The following PKP4 variants were observed in gnomAD, a reference collection of about 807,000 sequenced individuals.
The protein encoded by PKP4 is plakophilin 4.
In PKP4, 90 loss-of-function variants were observed where a neutral mutation model predicts 145.1. The ratio of observed to expected loss-of-function variants is 0.62; its 90% CI spans 0.52 to 0.74. PKP4 has a LOEUF of 0.74. PKP4 is among the 30% of genes least tolerant of loss of function. The probability of loss-of-function intolerance (pLI) is 0.00; values close to 1 mark genes in which losing one functional copy is unlikely to be tolerated. For missense variants in PKP4, 1,340 were observed against 1,482.7 expected, an observed-to-expected ratio of 0.90 and a Z score of 1.58; for synonymous variants, 563 against 577.2, an observed-to-expected ratio of 0.98 and a Z score of 0.35.
At position 158,680,842 on chromosome 2, in the gene PKP4, A is replaced by G. The variant is rs2058389347; in HGVS notation, c.*165A>G. The G allele has an allele frequency of 1.6e-6, 1 of 635,246 alleles. No individual in the cohort carries two copies. 39.4% of individuals were successfully genotyped at this position (635,246 alleles called of 1,614,324 possible). A position where few individuals can be genotyped will look rare whatever the true frequency, so the allele number is the denominator to read the frequency against. On this transcript the variant is annotated 3_prime_UTR_variant, in exon 22 of 22. Coordinates refer to ENST00000389759, the MANE Select transcript of PKP4 (RefSeq NM_003628.6). ...TGAGGAATTATCAGGGAAGTGAGGAAATGTTTGGGAGAGGACTTTCTAAGC... is the reference window on the plus strand; with the variant it reads ...TGAGGAATTATCAGGGAAGTGAGGAGATGTTTGGGAGAGGACTTTCTAAGC...
intron 1 of PKP4, among the ~76,000 whole-genome samples, chr2:158,504,942 G>A (rs1299539932): frequency 6.6e-6 from 1 of 152,160 alleles, no homozygotes; most frequent in Non-Finnish European, 1.5e-5. Context: ...AAGAGTTACG[G>A]TAGATTGCCA....
chr2:158,646,937 A>T (rs1352740638), intron 11 of PKP4, among the ~76,000 whole-genome samples: 1 of 152,212 alleles, frequency 6.6e-6, no homozygotes, highest in Non-Finnish European at 1.5e-5. Flanking sequence ...CAAAAAATAC[A>T]GACCCTCAGG....
chr2:158,497,726 T>C (rs780355276), intron 1 of PKP4, among the ~76,000 whole-genome samples: 1 of 152,236 alleles, frequency 6.6e-6, no homozygotes, highest in South Asian at 2.1e-4. Context: ...TTAAATGATA[T>C]AATGTTTTAA....
chr2:158,475,021 C>A (rs763977851), intron 1 of PKP4, among the ~76,000 whole-genome samples: 4 of 152,142 alleles, frequency 2.6e-5, no homozygotes, highest in Non-Finnish European at 4.4e-5. Flanking sequence ...GATGCCTTTC[C>A]TTCCTTAGAT....
intron 1 of PKP4, among the ~76,000 whole-genome samples, chr2:158,504,100 T>C (rs937701167): frequency 6.6e-6 from 1 of 152,084 alleles, no homozygotes; most frequent in Non-Finnish European, 1.5e-5. Flanking sequence ...TCTCATAATA[T>C]TGCATTTTTC....
At chr2:158,553,097 A>G (rs578053392) in intron 2 of PKP4, among the ~76,000 whole-genome samples, 1 of 152,344 alleles carries the variant, frequency 6.6e-6, no homozygotes, top group Admixed American at 6.5e-5. Flanking sequence ...ATTTCCAAGC[A>G]GAGCGTAGAA....
At chr2:158,480,886 C>T (rs1023816322) in intron 1 of PKP4, among the ~76,000 whole-genome samples, 1 of 152,156 alleles carries the variant, frequency 6.6e-6, no homozygotes, top group Non-Finnish European at 1.5e-5. Context: ...TCTCTCCCCT[C>T]AGCACCTGGG....
chr2:158,661,568 A>C (rs536825097), intron 13 of PKP4, 118 bp downstream of exon 13: 9 of 688,012 alleles, frequency 1.3e-5, no homozygotes, highest in South Asian at 1.3e-4. Context: ...TCAGGAGGCC[A>C]CTCTCCAGAT....
At chr2:158,467,398 G>A (rs543205241) in intron 1 of PKP4, among the ~76,000 whole-genome samples, 2 of 151,992 alleles carry the variant, frequency 1.3e-5, no homozygotes, top group African/African-American at 4.8e-5. Context: ...CTATAGTTTT[G>A]TCATTTTAAG....
Position 158,634,184 on chromosome 2 carries a change from A to G in PKP4, c.1457A>G (p.Gln486Arg), listed in dbSNP as rs773517086. ...ATYAEPYRPI[Q>R]YRVQECNYNR... ...TACGCGGAGCCCTACAGGCCTATAC[A>G]ATACCGAGTGCAAGAGTGCAATTAT... Residue 486 changes from glutamine (Q) to arginine (R), a missense_variant, in exon 9 of 22, where the codon CAA (glutamine) becomes CGA (arginine). Gln to Arg is a conservative substitution (Grantham distance 43). Coordinates refer to ENST00000389759, the MANE Select transcript of PKP4 (RefSeq NM_003628.6). 1.9e-6 allele frequency: 3 copies of G among 1,614,110 alleles called. No individual in the cohort carries two copies. The highest frequency in any genetic ancestry group is 2.2e-5 in the East Asian group (1 of 44,882).
chr2:158,640,731 G>C lies in PKP4; in HGVS notation c.1667G>C (p.Cys556Ser), dbSNP rs777388123. The change falls in exon 10 of 22, where the codon TGC becomes TCC. Residue 556 changes from cysteine (C) to serine (S), a missense_variant. By Grantham distance (112) the Cys-to-Ser change is moderately radical (BLOSUM62 -1). Transcript: ENST00000389759. ...ANAAAYLQHL[C>S]FGDNKVKMEV... Reference sequence around the variant, plus strand: ...GCAGCGGCCTACCTGCAGCACCTGTGCTTTGGTGACAACAAAGTGAAGATG... The same window carrying C: ...GCAGCGGCCTACCTGCAGCACCTGTCCTTTGGTGACAACAAAGTGAAGATG... The C allele has an allele frequency of 6.2e-7, 1 of 1,614,090 alleles. No homozygotes were observed. The highest frequency in any genetic ancestry group is 1.1e-5 in the South Asian group (1 of 91,080).
intron 1 of PKP4, among the ~76,000 whole-genome samples, chr2:158,506,992 A>G (rs1373871626): frequency 6.6e-6 from 1 of 152,218 alleles, no homozygotes; most frequent in Non-Finnish European, 1.5e-5. Context: ...CCTAAATAAC[A>G]GTATGGAATT....
At chr2:158,578,181 C>T (rs2048023009) in intron 3 of PKP4, 1 of 241,010 alleles carries the variant, frequency 4.1e-6, no homozygotes, top group South Asian at 5.3e-5. Context: ...TCTTGTGTTA[C>T]TCATGGGCAA....
chr2:158,645,095 T>C (rs1439524881), intron 11 of PKP4, among the ~76,000 whole-genome samples: 1 of 152,194 alleles, frequency 6.6e-6, no homozygotes, highest in African/African-American at 2.4e-5. Context: ...TAATATTCCC[T>C]TGTACTCTAA....
chr2:158,481,515 A>G (rs980445094), intron 1 of PKP4, among the ~76,000 whole-genome samples: 2 of 152,210 alleles, frequency 1.3e-5, no homozygotes, highest in Admixed American at 6.5e-5. Context: ...CTAGCAGAGT[A>G]TGAGGGTTCC....
chr2:158,635,517 A>G (rs1183083945), intron 9 of PKP4, among the ~76,000 whole-genome samples: 1 of 152,158 alleles, frequency 6.6e-6, no homozygotes, highest in Admixed American at 6.5e-5. Context: ...AATTGTAGGT[A>G]ATTTAGACCA....
intron 1 of PKP4, among the ~76,000 whole-genome samples, chr2:158,528,329 C>T (rs1460390346): frequency 7.1e-6 from 1 of 140,274 alleles, no homozygotes; most frequent in Admixed American, 7.6e-5. Context: ...GATTTCATGT[C>T]CTTTGTAGGG....
intron 7 of PKP4, among the ~76,000 whole-genome samples, chr2:158,631,387 G>GTATT (rs897307241): frequency 1.3e-5 from 2 of 151,774 alleles, no homozygotes; most frequent in Non-Finnish European, 2.9e-5. Context: ...ATGTATATAT[G>GTATT]TATTTATTTA....
intron 1 of PKP4, among the ~76,000 whole-genome samples, chr2:158,514,371 A>G (rs1022682178): frequency 2.0e-5 from 3 of 152,190 alleles, no homozygotes; most frequent in Admixed American, 1.3e-4. Flanking sequence ...TAGAAACTTT[A>G]TAGTGGTTGT....
Sources: gnomAD v4.1 joint callset for allele counts (sites outside exome capture counted in the v4.1 genomes callset) on GRCh38, gnomAD v4.1.1 for gene constraint, MANE v1.5 for transcripts, NCBI Gene and HGNC (gene_info 2026-07-23, HGNC 2026-07-21) for gene names.